The following USP4 variants were observed in gnomAD, a reference collection of about 807,000 sequenced individuals.
The protein encoded by USP4 is ubiquitin specific peptidase 4.
In USP4, 72 loss-of-function variants were observed where a neutral mutation model predicts 118.2. That is an observed-to-expected ratio of 0.61 (90% CI 0.50 to 0.74). The LOEUF (loss-of-function observed/expected upper bound fraction) is 0.74. Ranked by LOEUF, USP4 falls within the 30% of genes least tolerant of loss-of-function variation. USP4 has a pLI of 0.00. For missense variants in USP4, 1,037 were observed against 1,185.7 expected (o/e 0.87, Z 1.84); for synonymous variants, 415 against 440.4 (o/e 0.94, Z 0.72).
intron 2 of USP4, among the ~76,000 whole-genome samples, chr3:49,332,071 G>A (rs929323492): frequency 2.0e-5 from 3 of 151,824 alleles, no homozygotes; most frequent in Non-Finnish European, 4.4e-5. Flanking sequence ...TCAGGAGTTC[G>A]AGACCAGGCT....
chr3:49,327,264 G>A (rs1456706798), intron 3 of USP4, among the ~76,000 whole-genome samples: 6 of 152,200 alleles, frequency 3.9e-5, no homozygotes, highest in South Asian at 4.2e-4. Flanking sequence ...CAGGCTGGGC[G>A]TAGTGGCTCA....
intron 13 of USP4, among the ~76,000 whole-genome samples, chr3:49,295,288 C>CAAAAAAAAAATAAAAAAAAAAAAAAAAAA (rs2047191611): frequency 8.4e-5 from 1 of 11,928 alleles, no homozygotes; most frequent in Non-Finnish European, 1.8e-4. Context: ...GACTCCATCT[C>CAAAAAAAAAATAAAAAAAAAAAAAAAAAA]AAAAAAAAAA....
At chr3:49,288,866 T>C (rs1351650471) in intron 15 of USP4, among the ~76,000 whole-genome samples, 1 of 152,010 alleles carries the variant, frequency 6.6e-6, no homozygotes, top group Non-Finnish European at 1.5e-5. Flanking sequence ...TCCCAGCACG[T>C]TGGGAGGTTG....
At chr3:49,328,939 G>A (rs1270976112) in intron 2 of USP4, among the ~76,000 whole-genome samples, 7 of 151,818 alleles carry the variant, frequency 4.6e-5, no homozygotes, top group South Asian at 4.2e-4. Context: ...CAGCACTTTC[G>A]GAGGCCGAGG....
At chr3:49,326,498 G>C (rs891258637) in intron 3 of USP4, among the ~76,000 whole-genome samples, 1 of 152,034 alleles carries the variant, frequency 6.6e-6, no homozygotes, top group African/African-American at 2.4e-5. Flanking sequence ...CTGGGTTCAA[G>C]AGATTCTCCT....
intron 8 of USP4, among the ~76,000 whole-genome samples, chr3:49,307,975 C>A (rs1366601543): frequency 2.0e-5 from 3 of 151,954 alleles, no homozygotes; most frequent in Non-Finnish European, 4.4e-5. Context: ...TGCACACTAG[C>A]CTGGGCATCA....
At chr3:49,330,264 A>G (rs1045698637) in intron 2 of USP4, among the ~76,000 whole-genome samples, 3 of 152,166 alleles carry the variant, frequency 2.0e-5, no homozygotes, top group Non-Finnish European at 2.9e-5. Context: ...TAGGCATGAA[A>G]CAACATTAAT....
chr3:49,312,604 G>T lies in USP4; in HGVS notation c.696-950C>A, dbSNP rs189452931. ...CATTGCACTCCAGCCTGGGCAAAAA[G>T]AACGAAACTCTGTCTCAAAAAAAAA... On this transcript the variant is annotated intron_variant, in intron 6 of 21. Transcript: ENST00000265560. The T allele has an allele frequency of 7.3e-4, 277 of 381,768 alleles. 4 individuals are homozygous for T. Among genetic ancestry groups the T allele is most frequent in the African/African-American group, 5.4e-3 (250 of 46,430 alleles). 23.6% of individuals were successfully genotyped at this position (381,768 alleles called of 1,614,324 possible).
At chr3:49,339,071 C>G (rs1226657815) in intron 1 of USP4, among the ~76,000 whole-genome samples, 1 of 151,618 alleles carries the variant, frequency 6.6e-6, no homozygotes, top group African/African-American at 2.4e-5. Context: ...CGCTTGAACC[C>G]GGGAGGCGGA....
chr3:49,320,436 C>T (rs749534445), intron 6 of USP4, among the ~76,000 whole-genome samples: 1 of 136,234 alleles, frequency 7.3e-6, no homozygotes, highest in Non-Finnish European at 1.6e-5. Flanking sequence ...GAGTGAAACT[C>T]CATCTCAAAC....
At chr3:49,293,730 T>C (rs1304617440) in intron 14 of USP4, 1 of 151,826 alleles carries the variant, frequency 6.6e-6, no homozygotes, top group Non-Finnish European at 1.5e-5. Context: ...AGAAAGTTTG[T>C]CTCGAGTCTT....
At chr3:49,322,538 T>C (rs2047513106) in intron 6 of USP4, among the ~76,000 whole-genome samples, 1 of 152,182 alleles carries the variant, frequency 6.6e-6, no homozygotes, top group Non-Finnish European at 1.5e-5. Context: ...CCTGACTTGT[T>C]TGTATTGACT....
rs201853078 is a variant in USP4 at position 49,340,034 on chromosome 3, G to A, written c.-10C>T. ...CTCCACCTTCCGCCATCTCCTCCGC[G>A]GCCCCGGCCCAGCCGGCCCGGACAT... On this transcript the variant is annotated 5_prime_UTR_variant, in exon 1 of 22. Coordinates refer to ENST00000265560, the MANE Select transcript of USP4 (RefSeq NM_003363.4). The A allele has an allele frequency of 3.2e-5, 52 of 1,603,328 alleles. No homozygotes were observed. In the South Asian group the frequency reaches 5.4e-4, roughly 17 times the overall value.
intron 19 of USP4, 64 bp downstream of exon 19, chr3:49,283,923 A>C (rs2047066011): frequency 1.9e-6 from 3 of 1,595,366 alleles, no homozygotes; most frequent in African/African-American, 1.3e-5. Flanking sequence ...CCACTCAGCC[A>C]ATCAGTGCCA....
intron 15 of USP4, among the ~76,000 whole-genome samples, chr3:49,287,370 G>C (rs1165695807): frequency 2.0e-5 from 3 of 151,840 alleles, no homozygotes; most frequent in East Asian, 1.9e-4. Context: ...TCACCAGGAT[G>C]GTCTCTAGCT....
intron 19 of USP4, among the ~76,000 whole-genome samples, chr3:49,282,039 C>A (rs1034226886): frequency 2.0e-5 from 3 of 151,266 alleles, no homozygotes; most frequent in Non-Finnish European, 3.0e-5. Context: ...ACAAAAAAAA[C>A]AACAACAACA....
chr3:49,317,135 G>C (rs1282667835), intron 6 of USP4: 1 of 1,402,754 alleles, frequency 7.1e-7, no homozygotes, highest in Non-Finnish European at 1.0e-6. Flanking sequence ...GCCTTGGTCA[G>C]GTTCCCAGCT....
At chr3:49,311,721 A>C in intron 6 of USP4, 67 bp from the exon 7 acceptor site, 1 of 1,575,202 alleles carries the variant, frequency 6.3e-7, no homozygotes, top group Non-Finnish European at 8.6e-7. Flanking sequence ...TTAATGCCTT[A>C]GGTTGCTTCT....
At chr3:49,288,612 T>G (rs974757765) in intron 15 of USP4, among the ~76,000 whole-genome samples, 2 of 151,570 alleles carry the variant, frequency 1.3e-5, no homozygotes, top group Non-Finnish European at 2.9e-5. Context: ...GAGGCGGAGG[T>G]TGCAGTGAGC....
Sources: allele counts gnomAD v4.1 joint callset (sites outside exome capture counted in the v4.1 genomes callset), GRCh38; gene constraint gnomAD v4.1.1; transcripts MANE v1.5; gene names NCBI Gene and HGNC (gene_info 2026-07-23, HGNC 2026-07-21).